Variants in RNF24 observed in about 807,000 individuals in gnomAD.
The protein encoded by RNF24 is ring finger protein 24.
RNF24 carries 14 observed loss-of-function variants against 20.0 expected under a neutral mutation model. The observed-to-expected ratio is 0.70, with a 90% CI of 0.46 to 1.10. The LOEUF is 1.10. RNF24 is among the 50% of genes least tolerant of loss of function. The pLI is 0.00. For synonymous variants in RNF24, 45 were observed against 61.1 expected (o/e 0.74, Z 1.23); for missense variants, 124 against 177.6 (o/e 0.70, Z 1.71).
At chr20:3,966,990 C>A (rs1160697179) in intron 1 of RNF24, among the ~76,000 whole-genome samples, 1 of 151,974 alleles carries the variant, frequency 6.6e-6, no homozygotes, top group African/African-American at 2.4e-5. Context: ...TATGTTGATG[C>A]GAATATATTT....
chr20:4,008,672 G>A (rs1308643118), intron 1 of RNF24, among the ~76,000 whole-genome samples: 2 of 148,200 alleles, frequency 1.3e-5, no homozygotes, highest in East Asian at 2.0e-4. Context: ...TCAGCCTCCC[G>A]AGTAACTGGG....
intron 1 of RNF24, among the ~76,000 whole-genome samples, chr20:3,975,002 G>A (rs1185020025): frequency 1.3e-5 from 2 of 152,130 alleles, no homozygotes; most frequent in African/African-American, 2.4e-5. Flanking sequence ...TCTATTCAAT[G>A]TAAGGACTCA....
chr20:3,987,056 A>T (rs1467257401), intron 1 of RNF24, among the ~76,000 whole-genome samples: 2 of 152,190 alleles, frequency 1.3e-5, no homozygotes, highest in African/African-American at 4.8e-5. Flanking sequence ...TACAGGCGTA[A>T]GCCACAACTC....
At chr20:3,949,689 A>G (rs973570498) in intron 2 of RNF24, among the ~76,000 whole-genome samples, 4 of 152,218 alleles carry the variant, frequency 2.6e-5, no homozygotes, top group African/African-American at 7.2e-5. Context: ...GTCATAAAAA[A>G]AAATAAAGTA....
intron 1 of RNF24, among the ~76,000 whole-genome samples, chr20:3,967,347 G>T (rs1173032644): frequency 1.3e-5 from 2 of 151,948 alleles, no homozygotes; most frequent in African/African-American, 4.8e-5. Flanking sequence ...CTTCATTCAC[G>T]TGAAAGCCTT....
intron 2 of RNF24, among the ~76,000 whole-genome samples, chr20:3,954,911 AAAG>A (rs1397285174): frequency 1.3e-5 from 2 of 152,096 alleles, no homozygotes; most frequent in African/African-American, 2.4e-5. Context: ...GAAAAAAAAA[AAAG>A]AATTTGTTTG....
intron 2 of RNF24, among the ~76,000 whole-genome samples, chr20:3,952,512 T>C (rs186918665): frequency 2.1e-4 from 32 of 152,132 alleles, no homozygotes; most frequent in Non-Finnish European, 1.5e-5. Flanking sequence ...ATAATCACAA[T>C]TTAAACACTG....
At chr20:3,999,884 TA>T in intron 1 of RNF24, among the ~76,000 whole-genome samples, 1 of 152,114 alleles carries the variant, frequency 6.6e-6, no homozygotes, top group Non-Finnish European at 1.5e-5. Flanking sequence ...AACATCATAT[TA>T]AGTGAAAAAA....
chr20:3,959,673 C>T (rs2091180426), intron 2 of RNF24, among the ~76,000 whole-genome samples: 1 of 152,138 alleles, frequency 6.6e-6, no homozygotes, highest in South Asian at 2.1e-4. Context: ...ATCAGCAGTC[C>T]TCTGCCCTCT....
chr20:3,961,889 T>G (rs942299076), intron 2 of RNF24, among the ~76,000 whole-genome samples: 2 of 152,194 alleles, frequency 1.3e-5, no homozygotes, highest in Non-Finnish European at 2.9e-5. Flanking sequence ...ATTCTCTAAT[T>G]TTAAAAAATG....
Position 3,990,066 on chromosome 20 carries a change from A to G in RNF24, c.-8+25371T>C, listed in dbSNP as rs536292110. Among the ~76,000 whole-genome samples, 144 of 152,318 alleles carry G rather than the reference A, an allele frequency of 9.5e-4. 1 individual carries two copies. The highest frequency in any genetic ancestry group is 3.4e-3 in the African/African-American group (140 of 41,566). ...ATTATTCACAAATGATATTGGGACA[A>G]TTAGGTAGCCAGTTGAGAAAAAAAA... On this transcript the variant is annotated intron_variant, in intron 1 of 5. Transcript: ENST00000358395.
intron 1 of RNF24, chr20:3,974,334 C>T (rs538556895): frequency 1.9e-6 from 3 of 1,550,748 alleles, no homozygotes; most frequent in African/African-American, 1.4e-5. Context: ...ATACTTACCC[C>T]CCTAAGACCG....
intron 1 of RNF24, among the ~76,000 whole-genome samples, chr20:3,995,852 A>C (rs1414390228): frequency 6.6e-6 from 1 of 152,112 alleles, no homozygotes. Context: ...ATGCTGAAAA[A>C]TCACAATCAT....
At chr20:3,998,211 C>T (rs1357501051) in intron 1 of RNF24, among the ~76,000 whole-genome samples, 4 of 151,716 alleles carry the variant, frequency 2.6e-5, no homozygotes, top group Admixed American at 6.6e-5. Context: ...GAGGCCAAGG[C>T]GGGCGGATCA....
chr20:3,940,796 C>G (rs74926919), intron 4 of RNF24, among the ~76,000 whole-genome samples: 159 of 152,182 alleles, frequency 1.0e-3, no homozygotes, highest in African/African-American at 3.7e-3. Context: ...ACCTGGAGTT[C>G]CATATACAAG....
rs190138145 is a variant in RNF24 at position 3,967,885 on chromosome 20, C to A, written c.-7-3861G>T. On this transcript the variant is annotated intron_variant, in intron 1 of 5. Transcript: ENST00000358395. The stretch of plus-strand genomic sequence containing the variant: ...ACGCATGCCTGTAATCCCAGCTACT[C>A]GGGAGGCTGAGGCAGGAGAATCCCT... Among the ~76,000 whole-genome samples the A allele has an allele frequency of 1.5e-3, 217 of 144,760 alleles. 1 individual carries two copies. Among genetic ancestry groups the A allele is most frequent in the African/African-American group, 5.4e-3 (210 of 38,814 alleles). 95.0% of individuals were successfully genotyped at this position (144,760 alleles called of 152,430 possible). A position where few individuals can be genotyped will look rare whatever the true frequency, so the allele number is the denominator to read the frequency against.
At chr20:4,007,809 G>C (rs896906621) in intron 1 of RNF24, among the ~76,000 whole-genome samples, 2 of 151,502 alleles carry the variant, frequency 1.3e-5, no homozygotes, top group Admixed American at 1.3e-4. Context: ...GCAGCTACTT[G>C]GGAGGTTGAG....
chr20:4,008,185 C>T (rs1982033253), intron 1 of RNF24, among the ~76,000 whole-genome samples: 1 of 146,840 alleles, frequency 6.8e-6, no homozygotes, highest in East Asian at 2.0e-4. Flanking sequence ...CTATTATTAA[C>T]CACATTACAA....
intron 1 of RNF24, among the ~76,000 whole-genome samples, chr20:4,014,331 A>C (rs1427124213): frequency 1.3e-5 from 2 of 152,246 alleles, no homozygotes; most frequent in Admixed American, 6.5e-5. Context: ...AGGCAGAAAG[A>C]AACAAAATCT....
Sources: gnomAD v4.1 joint callset for allele counts (sites outside exome capture counted in the v4.1 genomes callset) on GRCh38, gnomAD v4.1.1 for gene constraint, MANE v1.5 for transcripts, NCBI Gene and HGNC (gene_info 2026-07-23, HGNC 2026-07-21) for gene names.